Variants in PIEZO2 observed in about 807,000 individuals in gnomAD.
The protein encoded by PIEZO2 is piezo type mechanosensitive ion channel component 2, also known as piezo-type mechanosensitive ion channel component 2.
In PIEZO2, 172 loss-of-function variants were observed where a neutral mutation model predicts 337.3. The ratio of observed to expected loss-of-function variants is 0.51; its 90% CI spans 0.45 to 0.58. PIEZO2 has a LOEUF of 0.58. Ranked by LOEUF, PIEZO2 falls within the 20% of genes least tolerant of loss-of-function variation. The probability of loss-of-function intolerance (pLI) is 0.00; values close to 1 mark genes in which losing one functional copy is unlikely to be tolerated. For missense variants in PIEZO2, 3,028 were observed against 3,391.3 expected (o/e 0.89, Z 2.66); for synonymous variants, 1,251 against 1,228.5 (o/e 1.02, Z -0.38).
At chr18:10,778,389 G>C (rs987234131) in intron 18 of PIEZO2, among the ~76,000 whole-genome samples, 44 of 146,470 alleles carry the variant, frequency 3.0e-4, no homozygotes, top group African/African-American at 1.1e-3. Flanking sequence ...CTGGAGTGCA[G>C]TGGCACCATC....
At chr18:10,765,851 G>A (rs993367083) in intron 21 of PIEZO2, among the ~76,000 whole-genome samples, 2 of 152,098 alleles carry the variant, frequency 1.3e-5, no homozygotes, top group Non-Finnish European at 2.9e-5. Context: ...GGCGGGATGA[G>A]TCCAGCAATG....
At chr18:11,044,753 T>C (rs2037242653) in intron 2 of PIEZO2, among the ~76,000 whole-genome samples, 1 of 152,194 alleles carries the variant, frequency 6.6e-6, no homozygotes, top group African/African-American at 2.4e-5. Flanking sequence ...ACTGAACCAT[T>C]GTTCTTAGGG....
In PIEZO2 at chr18:10,701,989, C is replaced by T. The variant is rs1598375664; in HGVS notation, c.6441G>A (p.Lys2147=). ...CTGATTAATTGTTAACATGCAGTACCTTCAAAATTGATCGATGAAAGAACA... is the reference window on the plus strand; with the variant it reads ...CTGATTAATTGTTAACATGCAGTACTTTCAAAATTGATCGATGAAAGAACA... ...LALFFHRSIL[K]CHGLWDEDDM... The change falls in exon 43 of 56, where the codon AAG becomes AAA. Residue 2147 remains lysine, a splice_region_variant and synonymous_variant. Transcript: ENST00000674853. 10 of 1,525,840 alleles carry T rather than the reference C, an allele frequency of 6.6e-6. No homozygotes were observed. The highest frequency in any genetic ancestry group is 8.7e-6 in the Non-Finnish European group (10 of 1,143,670). The allele number at this position is 1,525,840 out of a possible 1,614,324, so 94.5% of individuals were successfully genotyped here.
In PIEZO2 at chr18:10,856,164, G is replaced by T. The variant is rs1471592662; in HGVS notation, c.704-598C>A. Reference sequence around the variant, plus strand: ...TCTTCCCTCCTTGGCCTTCCAAAGGGCTCGGATTACAGGCATGAGCCACTG... The same window carrying T: ...TCTTCCCTCCTTGGCCTTCCAAAGGTCTCGGATTACAGGCATGAGCCACTG... On this transcript the variant is annotated intron_variant, in intron 6 of 55. Coordinates refer to ENST00000674853, the MANE Select transcript of PIEZO2 (RefSeq NM_001378183.1). The surrounding 1 kb of genome is among the most constrained non-coding windows in gnomAD (Gnocchi z 4.7). Among the ~76,000 whole-genome samples the T allele has an allele frequency of 6.6e-6, 1 of 152,008 alleles. No individual in the cohort carries two copies. The highest frequency in any genetic ancestry group is 1.9e-4 in the East Asian group (1 of 5,192).
intron 3 of PIEZO2, among the ~76,000 whole-genome samples, chr18:10,961,049 C>T (rs264194): frequency 0.012 from 1,816 of 152,024 alleles, 31 homozygotes; most frequent in African/African-American, 0.042. Context: ...GGTGTGGTGG[C>T]GGGCACCCGT....
chr18:10,948,607 G>A (rs1263020482), intron 3 of PIEZO2, among the ~76,000 whole-genome samples: 2 of 152,152 alleles, frequency 1.3e-5, no homozygotes, highest in Admixed American at 6.5e-5. Flanking sequence ...TCACTTTGGC[G>A]ATAGAGATAC....
chr18:10,696,801 T>C lies in PIEZO2; in HGVS notation c.6828-262A>G, dbSNP rs7227140. ...CCCTCTCCTCTTGCTTGAAGCATAA[T>C]AGAATGGTATGATGCCCTGGGAACG... is the stretch of plus-strand genomic sequence containing the variant. On this transcript the variant is annotated intron_variant, in intron 45 of 55. Coordinates refer to ENST00000674853, the MANE Select transcript of PIEZO2 (RefSeq NM_001378183.1). Among the ~76,000 whole-genome samples the C allele has an allele frequency of 0.1, 15,875 of 152,176 alleles. 1,654 individuals are homozygous for C. Among genetic ancestry groups the C allele is most frequent in the African/African-American group, 0.26 (10,644 of 41,492 alleles).
intron 3 of PIEZO2, among the ~76,000 whole-genome samples, chr18:10,963,372 G>A (rs1224974409): frequency 6.6e-6 from 1 of 152,066 alleles, no homozygotes; most frequent in Non-Finnish European, 1.5e-5. Context: ...TTTACTCTCT[G>A]GACTAAAAGC....
intron 49 of PIEZO2, among the ~76,000 whole-genome samples, chr18:10,685,962 C>T (rs941327396): frequency 1.3e-5 from 1 of 79,032 alleles, no homozygotes; most frequent in African/African-American, 3.6e-5. Flanking sequence ...CTCACTTGTG[C>T]CTCTGACTCT....
At chr18:10,771,536 T>C (rs944564597) in intron 20 of PIEZO2, among the ~76,000 whole-genome samples, 4 of 152,190 alleles carry the variant, frequency 2.6e-5, no homozygotes, top group African/African-American at 7.2e-5. Flanking sequence ...CCTAAGTATC[T>C]CTTTAAGTAG....
At chr18:10,756,766 G>A (rs191348948) in intron 27 of PIEZO2, among the ~76,000 whole-genome samples, 74 of 149,780 alleles carry the variant, frequency 4.9e-4, no homozygotes, top group African/African-American at 1.7e-3. Flanking sequence ...TGAAACATTA[G>A]GAGGAGAGAT....
At position 11,127,704 on chromosome 18, in the gene PIEZO2, A is replaced by G. The variant is rs1050237029; in HGVS notation, c.64+20821T>C. ...CCCCTTTATATATATATACATATAT[A>G]TGTCATGTATATATATACACACATA... On this transcript the variant is annotated intron_variant, in intron 1 of 55. Coordinates refer to ENST00000674853, the MANE Select transcript of PIEZO2 (RefSeq NM_001378183.1). This position sits in a 1 kb window ranked among gnomAD's most constrained non-coding sequence, Gnocchi z 4.5. Among the ~76,000 whole-genome samples the G allele has an allele frequency of 1.1e-4, 17 of 151,414 alleles. No individual in the cohort carries two copies. The highest frequency in any genetic ancestry group is 4.1e-4 in the African/African-American group (17 of 41,122).
chr18:10,860,471 C>T (rs2041843553), intron 5 of PIEZO2, among the ~76,000 whole-genome samples: 1 of 152,174 alleles, frequency 6.6e-6, no homozygotes, highest in Admixed American at 6.5e-5. Context: ...ATTCAGCTTA[C>T]TCCATCTCCC....
At chr18:10,681,237 A>C (rs1422056592) in intron 51 of PIEZO2, among the ~76,000 whole-genome samples, 1 of 152,156 alleles carries the variant, frequency 6.6e-6, no homozygotes, top group Non-Finnish European at 1.5e-5. Context: ...CATCTGCCTT[A>C]ATTTCCTCAA....
intron 30 of PIEZO2, among the ~76,000 whole-genome samples, chr18:10,745,235 A>G (rs1246831075): frequency 6.6e-6 from 1 of 152,148 alleles, no homozygotes; most frequent in African/African-American, 2.4e-5. Context: ...TTCCCCACCC[A>G]TAGCCTGGGG....
At chr18:10,685,631 C>T (rs1035240299) in intron 49 of PIEZO2, among the ~76,000 whole-genome samples, 2 of 152,140 alleles carry the variant, frequency 1.3e-5, no homozygotes, top group African/African-American at 2.4e-5. Context: ...GAGCAGCTGC[C>T]GCTTCTTCCA....
chr18:10,804,130 A>G lies in PIEZO2; in HGVS notation c.1081-136T>C, dbSNP rs140714545. Reference sequence around the variant, plus strand: ...GAATGTTTACAATATACAGGATTTTATCAAGACACTTTAAAAAATGACAAA... The same window carrying G: ...GAATGTTTACAATATACAGGATTTTGTCAAGACACTTTAAAAAATGACAAA... On this transcript the variant is annotated intron_variant, in intron 8 of 55. Coordinates refer to ENST00000674853, the MANE Select transcript of PIEZO2 (RefSeq NM_001378183.1). 287 of 1,083,478 alleles carry G rather than the reference A, an allele frequency of 2.6e-4. 1 individual carries two copies. The African/African-American group carries it at 3.7e-3, about 14-fold the overall frequency. 67.1% of individuals were successfully genotyped at this position (1,083,478 alleles called of 1,614,324 possible).
At chr18:10,873,204 G>A (rs1397353904) in intron 4 of PIEZO2, among the ~76,000 whole-genome samples, 2 of 152,078 alleles carry the variant, frequency 1.3e-5, no homozygotes, top group Non-Finnish European at 2.9e-5. Flanking sequence ...GAAAATAAAA[G>A]TTATCAATAA....
chr18:10,795,402 TTATTTTATTC>T lies in PIEZO2; in HGVS notation c.1528-410_1528-401del, dbSNP rs2039562336. Among the ~76,000 whole-genome samples, 2 of 113,454 alleles carry T rather than the reference TTATTTTATTC, an allele frequency of 1.8e-5. No homozygotes were observed. The highest frequency in any genetic ancestry group is 3.3e-4 in the East Asian group (1 of 3,030). 74.4% of individuals were successfully genotyped at this position (113,454 alleles called of 152,430 possible). The stretch of plus-strand genomic sequence containing the variant: ...TTATTTTATTTTATTTTATTTTATT[TTATTTTATTC>T]AGCTCTATTGCTTTAAAGAAAAGAC... On this transcript the variant is annotated intron_variant, in intron 12 of 55. Coordinates refer to ENST00000674853, the MANE Select transcript of PIEZO2 (RefSeq NM_001378183.1). This position sits in a 1 kb window ranked among gnomAD's most constrained non-coding sequence, Gnocchi z 4.4.
Sources: allele counts gnomAD v4.1 joint callset (sites outside exome capture counted in the v4.1 genomes callset), GRCh38; gene constraint gnomAD v4.1.1; non-coding constraint Gnocchi (gnomAD v3.1); transcripts MANE v1.5; gene names NCBI Gene and HGNC (gene_info 2026-07-23, HGNC 2026-07-21).